The following HEG1 variants were observed in gnomAD, a reference collection of about 807,000 sequenced individuals.
The protein encoded by HEG1 is heart development protein with EGF like domains 1.
Under a neutral mutation model 125.6 loss-of-function variants are expected in HEG1, and 56 were observed. The ratio of observed to expected loss-of-function variants is 0.45; its 90% CI spans 0.36 to 0.56. The LOEUF is 0.56. Among genes scored for constraint, HEG1 ranks in the 20% least tolerant of loss-of-function variants. HEG1 has a pLI of 0.00. For missense variants in HEG1, 1,523 were observed against 1,670.0 expected (o/e 0.91, Z 1.53); for synonymous variants, 644 against 668.5 (o/e 0.96, Z 0.57).
At chr3:125,030,906 G>T (rs2107708029) in intron 1 of HEG1, among the ~76,000 whole-genome samples, 1 of 152,264 alleles carries the variant, frequency 6.6e-6, no homozygotes, top group African/African-American at 2.4e-5. Flanking sequence ...GTTTCCAGTT[G>T]GGAGTGCTGA....
chr3:125,005,284 T>C lies in HEG1; in HGVS notation c.3278A>G (p.Glu1093Gly). 6.3e-7 allele frequency: 1 copy of C among 1,594,826 alleles called. No individual in the cohort carries two copies. The highest frequency in any genetic ancestry group is 8.6e-7 in the Non-Finnish European group (1 of 1,168,886). ...ACTTACCGTTTTGGTGATCTCATTT[T>C]CAACTTCTTGTAGGTCTGAATGTTT... ...VEKHSDLQEV[E>G]NEITKTLNMC... The change falls in exon 9 of 17, where the codon GAA becomes GGA. Residue 1093 changes from glutamate to glycine, a missense_variant. By Grantham distance (98) the Glu-to-Gly change is moderately conservative (BLOSUM62 -2). Transcript: ENST00000311127.
At chr3:125,037,380 T>C (rs1224326680) in intron 1 of HEG1, among the ~76,000 whole-genome samples, 1 of 152,244 alleles carries the variant, frequency 6.6e-6, no homozygotes, top group Non-Finnish European at 1.5e-5. Flanking sequence ...AGACCTTTAA[T>C]AGAAAGTTGG....
chr3:124,997,945 A>G (rs1579407582), intron 11 of HEG1, 122 bp from the exon 12 acceptor site: 5 of 1,184,204 alleles, frequency 4.2e-6, no homozygotes, highest in African/African-American at 3.1e-5. Flanking sequence ...GGCTGAGAAC[A>G]GTTTTCCGAA....
chr3:125,009,886 G>T, intron 7 of HEG1, 62 bp from the exon 8 acceptor site: 2 of 1,528,948 alleles, frequency 1.3e-6, no homozygotes, highest in African/African-American at 1.4e-5. Context: ...CCATAACCCA[G>T]TGTAGTAAGT....
chr3:124,987,952 C>CACACACACACACACATATATAT lies in HEG1; in HGVS notation c.3733+2834_3733+2835insATATATATGTGTGTGTGTGTGT. On this transcript the variant is annotated intron_variant, in intron 14 of 16. Coordinates refer to ENST00000311127, the MANE Select transcript of HEG1 (RefSeq NM_020733.2). The stretch of plus-strand genomic sequence containing the variant: ...ACACACACACACACACACACACACA[C>CACACACACACACACATATATAT]ATATATATATATATATATATATACC... Among the ~76,000 whole-genome samples the CACACACACACACACATATATAT allele has an allele frequency of 9.3e-4, 51 of 54,688 alleles. 1 individual carries two copies. Among genetic ancestry groups the CACACACACACACACATATATAT allele is most frequent in the African/African-American group, 2.4e-3 (50 of 21,018 alleles). The allele number at this position is 54,688 out of a possible 152,430, so 35.9% of individuals were successfully genotyped here. A position where few individuals can be genotyped will look rare whatever the true frequency, so the allele number is the denominator to read the frequency against.
chr3:124,967,930 GC>G lies in HEG1; in HGVS notation c.*2721del, dbSNP rs1207273206. 6.6e-6 allele frequency: 1 copy of G among 152,528 alleles called. No individual in the cohort carries two copies. Among genetic ancestry groups the G allele is most frequent in the Non-Finnish European group, 1.5e-5 (1 of 68,258 alleles). 9.4% of individuals were successfully genotyped at this position (152,528 alleles called of 1,614,324 possible). A position where few individuals can be genotyped will look rare whatever the true frequency, so the allele number is the denominator to read the frequency against. ...CCAAACCACTGATGCCAGGGAGCCA[GC>G]CAGCCACCCTTCCCTGCTGCAGTGT... is the stretch of plus-strand genomic sequence containing the variant. On this transcript the variant is annotated 3_prime_UTR_variant, in exon 17 of 17. Transcript: ENST00000311127.
intron 2 of HEG1, among the ~76,000 whole-genome samples, chr3:125,028,923 G>A (rs999377894): frequency 6.6e-6 from 1 of 152,076 alleles, no homozygotes; most frequent in African/African-American, 2.4e-5. Flanking sequence ...TGAGACCCTC[G>A]GGTGTGGCAG....
At chr3:125,016,288 T>C (rs549621642) in intron 5 of HEG1, among the ~76,000 whole-genome samples, 9 of 152,226 alleles carry the variant, frequency 5.9e-5, no homozygotes, top group African/African-American at 1.9e-4. Flanking sequence ...CCCGCCAGCT[T>C]TGGGTGACTC....
In HEG1 at chr3:124,970,567, C is replaced by A; in HGVS notation, c.*85G>T. 2.3e-6 allele frequency: 3 copies of A among 1,310,648 alleles called. No individual in the cohort carries two copies. Among genetic ancestry groups the A allele is most frequent in the Non-Finnish European group, 2.1e-6 (2 of 952,352 alleles). The allele number at this position is 1,310,648 out of a possible 1,614,324, so 81.2% of individuals were successfully genotyped here. A position where few individuals can be genotyped will look rare whatever the true frequency, so the allele number is the denominator to read the frequency against. On this transcript the variant is annotated 3_prime_UTR_variant, in exon 17 of 17. Coordinates refer to ENST00000311127, the MANE Select transcript of HEG1 (RefSeq NM_020733.2). ...CCACTCAGCGTGGCTCCCGACAAAT[C>A]CTGGGCGCAGCCTCCTGGTGCGGTC...
intron 14 of HEG1, among the ~76,000 whole-genome samples, chr3:124,982,185 C>A (rs1936667062): frequency 6.6e-6 from 1 of 152,218 alleles, no homozygotes; most frequent in Non-Finnish European, 1.5e-5. Context: ...CAGGCGTGAG[C>A]CACTACGCCC....
chr3:125,054,189 C>T (rs563112593), intron 1 of HEG1, among the ~76,000 whole-genome samples: 16 of 152,324 alleles, frequency 1.1e-4, no homozygotes, highest in Admixed American at 9.2e-4. Flanking sequence ...GATTCCTTCC[C>T]GTGGAAGTTA....
At chr3:125,033,622 C>T (rs1937519134) in intron 1 of HEG1, among the ~76,000 whole-genome samples, 1 of 152,132 alleles carries the variant, frequency 6.6e-6, no homozygotes, top group African/African-American at 2.4e-5. Context: ...ACGAGTGGTC[C>T]TGAATCCTGG....
intron 4 of HEG1, among the ~76,000 whole-genome samples, chr3:125,020,202 G>A (rs934105601): frequency 4.6e-5 from 7 of 152,224 alleles, no homozygotes; most frequent in Non-Finnish European, 8.8e-5. Context: ...CAAGGCAGGA[G>A]GATTGCTTAG....
At chr3:125,014,696 T>C in intron 5 of HEG1, 3 of 1,243,116 alleles carry the variant, frequency 2.4e-6, no homozygotes, top group South Asian at 1.4e-5. Context: ...TAAAAGAGAC[T>C]GTGGAAGACA....
chr3:125,029,873 C>G (rs914615030), intron 1 of HEG1, among the ~76,000 whole-genome samples: 8 of 152,220 alleles, frequency 5.3e-5, no homozygotes, highest in African/African-American at 1.9e-4. Flanking sequence ...GCCTGGGCAA[C>G]AAGAGTGAAA....
In HEG1 at chr3:125,019,642, A is replaced by G. The variant is rs776802107; in HGVS notation, c.1253-45T>C. ...AAAAAGGCCATTACATAGGTATGAA[A>G]GAGATCCCTTGGCAACTAAGAAGTG... On this transcript the variant is annotated intron_variant, in intron 4 of 16. Coordinates refer to ENST00000311127, the MANE Select transcript of HEG1 (RefSeq NM_020733.2). 2.3e-5 allele frequency: 35 copies of G among 1,504,770 alleles called. No homozygotes were observed. In the Admixed American group the frequency reaches 6.0e-4, roughly 26 times the overall value. 93.2% of individuals were successfully genotyped at this position (1,504,770 alleles called of 1,614,324 possible).
Position 125,001,844 on chromosome 3 carries a change from C to T in HEG1, c.3517+8G>A, listed in dbSNP as rs750365942. The T allele has an allele frequency of 1.2e-6, 2 of 1,611,164 alleles. No homozygotes were observed. Among genetic ancestry groups the T allele is most frequent in the Non-Finnish European group, 1.7e-6 (2 of 1,178,818 alleles). ...GGGTAGGATCCTCCCAGAGGGCTGC[C>T]CTCTTACCTCTAAAGATCCGCCTCT... On this transcript the variant is annotated splice_region_variant and intron_variant, in intron 11 of 16. Coordinates refer to ENST00000311127, the MANE Select transcript of HEG1 (RefSeq NM_020733.2).
chr3:125,007,974 A>G (rs2107698673), intron 8 of HEG1, among the ~76,000 whole-genome samples: 1 of 152,264 alleles, frequency 6.6e-6, no homozygotes, highest in African/African-American at 2.4e-5. Flanking sequence ...TAGTGATACA[A>G]TCTCGACTCA....
intron 3 of HEG1, among the ~76,000 whole-genome samples, chr3:125,022,263 T>C (rs1444867645): frequency 6.6e-6 from 1 of 152,112 alleles, no homozygotes; most frequent in African/African-American, 2.4e-5. Context: ...ACTTATATAA[T>C]AAAAGGCTTT....
Sources: allele counts gnomAD v4.1 joint callset (sites outside exome capture counted in the v4.1 genomes callset), GRCh38; gene constraint gnomAD v4.1.1; transcripts MANE v1.5; gene names NCBI Gene and HGNC (gene_info 2026-07-23, HGNC 2026-07-21).